TMEM170B: variants seen among roughly 807,000 people sequenced by gnomAD.
TMEM170B encodes the protein transmembrane protein 170B.
A neutral mutation model predicts 13.0 loss-of-function variants in TMEM170B; 6 were observed. The ratio of observed to expected loss-of-function variants is 0.46; its 90% CI spans 0.25 to 0.91. The LOEUF is 0.91. Ranked by LOEUF, TMEM170B falls within the 40% of genes least tolerant of loss-of-function variation. TMEM170B has a pLI of 0.17. For synonymous variants in TMEM170B, 61 were observed against 64.9 expected (o/e 0.94, Z 0.29); for missense variants, 138 against 165.2 (o/e 0.84, Z 0.90).
At position 11,577,985 on chromosome 6, in the gene TMEM170B, G is replaced by A. The variant is rs1282995511; in HGVS notation, c.*2424G>A. 1 of 152,002 alleles carries A rather than the reference G, an allele frequency of 6.6e-6. No homozygotes were observed. Among genetic ancestry groups the A allele is most frequent in the African/African-American group, 2.4e-5 (1 of 41,412 alleles). The allele number at this position is 152,002 out of a possible 1,614,324, so 9.4% of individuals were successfully genotyped here. ...TGCTGAAATTTTTAAAAAGTTAGTA[G>A]CTTTCCTATAGACACAAGAAATGTT... is the stretch of plus-strand genomic sequence containing the variant. On this transcript the variant is annotated 3_prime_UTR_variant, in exon 3 of 3. Coordinates refer to ENST00000379426, the MANE Select transcript of TMEM170B (RefSeq NM_001100829.3).
rs949304886 is a variant in TMEM170B, at chr6:11,538,108, C to G, written c.-170C>G. Among the ~76,000 whole-genome samples, 6 of 151,064 alleles carry G rather than the reference C, an allele frequency of 4.0e-5. No homozygotes were observed. Among genetic ancestry groups the G allele is most frequent in the East Asian group, 2.0e-4 (1 of 5,112 alleles). ...TGGGAGACACGCTGAGCGGCCCCCC[C>G]ACGGAGGCCCTCCGGCTGCAGCAGC... On this transcript the variant is annotated 5_prime_UTR_variant, in exon 1 of 3. Transcript: ENST00000379426.
chr6:11,578,356 G>C lies in TMEM170B; in HGVS notation c.*2795G>C, dbSNP rs1205159178. On this transcript the variant is annotated 3_prime_UTR_variant, in exon 3 of 3. Coordinates refer to ENST00000379426, the MANE Select transcript of TMEM170B (RefSeq NM_001100829.3). The stretch of plus-strand genomic sequence containing the variant: ...AAGGGAGGGAGGATCCTCTATAGTG[G>C]ACACTCCTTTATTTAAAAAATGTTT... 1 of 152,076 alleles carries C rather than the reference G, an allele frequency of 6.6e-6. No individual in the cohort carries two copies. The highest frequency in any genetic ancestry group is 1.5e-5 in the Non-Finnish European group (1 of 67,976). The allele number at this position is 152,076 out of a possible 1,614,324, so 9.4% of individuals were successfully genotyped here.
rs535556290 is a variant in TMEM170B, at chr6:11,568,023, C to T, written c.268+2187C>T. 1.1e-4 allele frequency among the ~76,000 whole-genome samples: 16 copies of T among 152,110 alleles called. 1 individual carries two copies. The South Asian group carries it at 2.5e-3, about 24-fold the overall frequency. ...GACCTGGTCTGTCTTCATCACTGCT[C>T]GATCCCCAAAAATAAAACAGTACCT... On this transcript the variant is annotated intron_variant, in intron 2 of 2. Coordinates refer to ENST00000379426, the MANE Select transcript of TMEM170B (RefSeq NM_001100829.3).
At chr6:11,554,202 A>G (rs1353531075) in intron 1 of TMEM170B, among the ~76,000 whole-genome samples, 1 of 152,104 alleles carries the variant, frequency 6.6e-6, no homozygotes, top group Admixed American at 6.5e-5. Context: ...TGGAAATGTT[A>G]TATTATGAGA....
At chr6:11,541,250 ATCT>A (rs1175370407) in intron 1 of TMEM170B, among the ~76,000 whole-genome samples, 3 of 152,238 alleles carry the variant, frequency 2.0e-5, no homozygotes, top group African/African-American at 7.2e-5. Flanking sequence ...CCTAAATGGC[ATCT>A]TCTTCTGATA....
intron 1 of TMEM170B, among the ~76,000 whole-genome samples, chr6:11,542,901 T>C (rs149183955): frequency 1.3e-5 from 2 of 152,308 alleles, no homozygotes; most frequent in African/African-American, 4.8e-5. Flanking sequence ...GAATAACTCT[T>C]CAAAGTACAT....
chr6:11,565,459 A>G (rs1259975782), intron 1 of TMEM170B, among the ~76,000 whole-genome samples: 1 of 152,240 alleles, frequency 6.6e-6, no homozygotes, highest in Non-Finnish European at 1.5e-5. Context: ...TTTTGAAGCC[A>G]TGGAAGGAAT....
At chr6:11,554,071 T>C (rs934611868) in intron 1 of TMEM170B, among the ~76,000 whole-genome samples, 3 of 152,176 alleles carry the variant, frequency 2.0e-5, no homozygotes, top group African/African-American at 7.2e-5. Flanking sequence ...TCCTGATCGG[T>C]CATTCCTTTG....
At chr6:11,572,840 G>T (rs1183645771) in intron 2 of TMEM170B, among the ~76,000 whole-genome samples, 2 of 151,986 alleles carry the variant, frequency 1.3e-5, no homozygotes, top group Non-Finnish European at 2.9e-5. Context: ...TACTAGTAGA[G>T]AATATGTATT....
intron 1 of TMEM170B, among the ~76,000 whole-genome samples, chr6:11,552,692 G>A (rs1439152054): frequency 1.3e-5 from 2 of 152,136 alleles, no homozygotes; most frequent in Non-Finnish European, 2.9e-5. Context: ...CATGCTCAGT[G>A]GGTAAACATG....
At chr6:11,547,595 T>C (rs1759456899) in intron 1 of TMEM170B, among the ~76,000 whole-genome samples, 1 of 152,194 alleles carries the variant, frequency 6.6e-6, no homozygotes, top group Non-Finnish European at 1.5e-5. Flanking sequence ...ATGGCCTTCA[T>C]AGGATTTAAC....
chr6:11,549,641 C>T (rs1428096025), intron 1 of TMEM170B, among the ~76,000 whole-genome samples: 5 of 149,122 alleles, frequency 3.4e-5, no homozygotes, highest in East Asian at 2.0e-4. Context: ...CCAGCCTGGG[C>T]GACAGAGCGA....
intron 2 of TMEM170B, among the ~76,000 whole-genome samples, chr6:11,568,535 A>G (rs188419198): frequency 1.6e-4 from 24 of 152,306 alleles, no homozygotes; most frequent in African/African-American, 4.8e-4. Flanking sequence ...TGTATATATA[A>G]CCCATTTTCA....
Position 11,581,635 on chromosome 6 carries a change from T to G in TMEM170B, c.*6074T>G, listed in dbSNP as rs1480386067. 1 of 152,236 alleles carries G rather than the reference T, an allele frequency of 6.6e-6. No homozygotes were observed. Among genetic ancestry groups the G allele is most frequent in the African/African-American group, 2.4e-5 (1 of 41,464 alleles). 9.4% of individuals were successfully genotyped at this position (152,236 alleles called of 1,614,324 possible). On this transcript the variant is annotated 3_prime_UTR_variant, in exon 3 of 3. Coordinates refer to ENST00000379426, the MANE Select transcript of TMEM170B (RefSeq NM_001100829.3). ...CATAACTGTAACACTTTTTCTCTTA[T>G]AAATTGGTAGTTCCTAAAAATCACC...
Position 11,581,235 on chromosome 6 carries a change from T to G in TMEM170B, c.*5674T>G, listed in dbSNP as rs1759952162. 1 of 152,230 alleles carries G rather than the reference T, an allele frequency of 6.6e-6. No homozygotes were observed. Among genetic ancestry groups the G allele is most frequent in the South Asian group, 2.1e-4 (1 of 4,830 alleles). 9.4% of individuals were successfully genotyped at this position (152,230 alleles called of 1,614,324 possible). A position where few individuals can be genotyped will look rare whatever the true frequency, so the allele number is the denominator to read the frequency against. ...ACTTACATAATAACTCTTCCCTGAT[T>G]TTGAGAACGAATTTAGCAATTTCCT... On this transcript the variant is annotated 3_prime_UTR_variant, in exon 3 of 3. Transcript: ENST00000379426.
intron 1 of TMEM170B, among the ~76,000 whole-genome samples, chr6:11,539,061 C>T (rs754382774): frequency 7.2e-5 from 11 of 152,180 alleles, no homozygotes; most frequent in Non-Finnish European, 1.0e-4. Context: ...TTTATTAAGG[C>T]TGTCAGTAAT....
At chr6:11,539,345 A>G (rs1759328996) in intron 1 of TMEM170B, among the ~76,000 whole-genome samples, 1 of 152,240 alleles carries the variant, frequency 6.6e-6, no homozygotes, top group African/African-American at 2.4e-5. Context: ...AAAATGTGTA[A>G]GGCAGTTAAT....
In TMEM170B at chr6:11,582,310, T is replaced by A. The variant is rs1759967669; in HGVS notation, c.*6749T>A. ...CAGATTTTAAAAGCTAAATGAAGCC[T>A]TAGTGCCTTGAAAGTTAAGATACTT... On this transcript the variant is annotated 3_prime_UTR_variant, in exon 3 of 3. Transcript: ENST00000379426. The A allele has an allele frequency of 6.6e-6, 1 of 152,208 alleles. No homozygotes were observed. The highest frequency in any genetic ancestry group is 2.4e-5 in the African/African-American group (1 of 41,456). The allele number at this position is 152,208 out of a possible 1,614,324, so 9.4% of individuals were successfully genotyped here.
chr6:11,538,609 T>C (rs1485799421), intron 1 of TMEM170B, among the ~76,000 whole-genome samples: 3 of 152,100 alleles, frequency 2.0e-5, no homozygotes, highest in Non-Finnish European at 4.4e-5. Flanking sequence ...CCCCCGCTCC[T>C]GCCCCGCACG....
Sources: gnomAD v4.1 joint callset for allele counts (sites outside exome capture counted in the v4.1 genomes callset) on GRCh38, gnomAD v4.1.1 for gene constraint, MANE v1.5 for transcripts, NCBI Gene and HGNC (gene_info 2026-07-23, HGNC 2026-07-21) for gene names.